PLXDC1: variants seen among roughly 807,000 people sequenced by gnomAD.
The protein encoded by PLXDC1 is plexin domain-containing protein 1.
In PLXDC1, 39 loss-of-function variants were observed where a neutral mutation model predicts 61.3. The observed-to-expected ratio is 0.64, with a 90% CI of 0.49 to 0.83. The LOEUF (loss-of-function observed/expected upper bound fraction) is 0.83. Ranked by LOEUF, PLXDC1 falls within the 40% of genes least tolerant of loss-of-function variation. The pLI is 0.00. For synonymous variants in PLXDC1, 212 were observed against 254.5 expected, an observed-to-expected ratio of 0.83 and a Z score of 1.59; for missense variants, 596 against 666.5, an observed-to-expected ratio of 0.89 and a Z score of 1.17.
chr17:39,122,424 T>C (rs1416554936), intron 2 of PLXDC1, among the ~76,000 whole-genome samples: 1 of 148,524 alleles, frequency 6.7e-6, no homozygotes, highest in African/African-American at 2.5e-5. Context: ...GCCCTCTCTC[T>C]GCCTGGCTGG....
Position 39,099,586 on chromosome 17 carries a change from TG to T in PLXDC1, c.811+6267del, listed in dbSNP as rs1317990718. On this transcript the variant is annotated intron_variant, in intron 7 of 13. Transcript: ENST00000315392. ...GGAGCTGAGGAGGAAAAGATTCCCC[TG>T]GGTGGAATGGGAGTGGGTCAGTCTA... Among the ~76,000 whole-genome samples, 5 of 152,186 alleles carry T rather than the reference TG, an allele frequency of 3.3e-5. No individual in the cohort carries two copies. In the South Asian group the frequency reaches 6.2e-4, roughly 19 times the overall value.
chr17:39,083,567 C>T (rs536689588), intron 8 of PLXDC1, 27 bp from the exon 9 acceptor site: 3 of 1,560,046 alleles, frequency 1.9e-6, no homozygotes, highest in South Asian at 2.3e-5. Flanking sequence ...AGTGGCCGCT[C>T]AGCACCGAGC....
chr17:39,140,316 C>CTTTTTCTTT (rs367716934), intron 1 of PLXDC1, among the ~76,000 whole-genome samples: 1 of 151,028 alleles, frequency 6.6e-6, no homozygotes. Context: ...TTTTCTTTTT[C>CTTTTTCTTT]TTTTTTTGAA....
Position 39,071,676 on chromosome 17 carries a change from C to T in PLXDC1, c.1222+774G>A, listed in dbSNP as rs371999046. Reference sequence around the variant, plus strand: ...CTGCTGATGAGCACATGGTGCACAGCGAGGGGATTATGGCCCAGCCACCCC... The same window carrying T: ...CTGCTGATGAGCACATGGTGCACAGTGAGGGGATTATGGCCCAGCCACCCC... On this transcript the variant is annotated intron_variant, in intron 12 of 13. Coordinates refer to ENST00000315392, the MANE Select transcript of PLXDC1 (RefSeq NM_020405.5). Among the ~76,000 whole-genome samples, 5 of 152,200 alleles carry T rather than the reference C, an allele frequency of 3.3e-5. No homozygotes were observed. In the East Asian group the frequency reaches 7.7e-4, roughly 24 times the overall value.
intron 7 of PLXDC1, among the ~76,000 whole-genome samples, chr17:39,093,792 C>T (rs1026880510): frequency 1.3e-5 from 2 of 151,984 alleles, no homozygotes; most frequent in African/African-American, 4.8e-5. Flanking sequence ...TCCTAAAGAA[C>T]CCTAAGTCTG....
At position 39,067,068 on chromosome 17, in the gene PLXDC1, G is replaced by A. The variant is rs1908923479; in HGVS notation, c.*772C>T. On this transcript the variant is annotated 3_prime_UTR_variant, in exon 14 of 14. Coordinates refer to ENST00000315392, the MANE Select transcript of PLXDC1 (RefSeq NM_020405.5). ...CTACAGAGCAGACCATTGACAGCCTGTAACTGAGTCCAAATTCATTCTGCT... is the reference window on the plus strand; with the variant it reads ...CTACAGAGCAGACCATTGACAGCCTATAACTGAGTCCAAATTCATTCTGCT... 1 of 152,226 alleles carries A rather than the reference G, an allele frequency of 6.6e-6. No homozygotes were observed. Among genetic ancestry groups the A allele is most frequent in the South Asian group, 2.1e-4 (1 of 4,836 alleles). The allele number at this position is 152,226 out of a possible 1,614,324, so 9.4% of individuals were successfully genotyped here.
chr17:39,132,516 G>A (rs956315054), intron 2 of PLXDC1, among the ~76,000 whole-genome samples: 2 of 151,422 alleles, frequency 1.3e-5, no homozygotes, highest in African/African-American at 2.4e-5. Context: ...TGCATTTTAG[G>A]GAGGAGATGG....
At chr17:39,131,018 G>A (rs967493700) in intron 2 of PLXDC1, among the ~76,000 whole-genome samples, 2 of 152,176 alleles carry the variant, frequency 1.3e-5, no homozygotes, top group South Asian at 2.1e-4. Context: ...CTGAGTAGCC[G>A]GGAGCAGTGT....
chr17:39,138,886 A>T (rs1433840123), intron 2 of PLXDC1, among the ~76,000 whole-genome samples: 1 of 152,034 alleles, frequency 6.6e-6, no homozygotes, highest in Non-Finnish European at 1.5e-5. Context: ...CCACAGGCAC[A>T]CTCACACTTA....
chr17:39,079,745 C>G (rs1427821799), intron 9 of PLXDC1: 2 of 352,978 alleles, frequency 5.7e-6, no homozygotes, highest in Non-Finnish European at 1.1e-5. Flanking sequence ...TGACGATGCA[C>G]CAGAGAATGT....
intron 7 of PLXDC1, among the ~76,000 whole-genome samples, chr17:39,091,838 A>G (rs1263278702): frequency 6.6e-6 from 1 of 151,862 alleles, no homozygotes; most frequent in African/African-American, 2.4e-5. Flanking sequence ...GAGCACCTGT[A>G]ATCCCAGCTA....
At chr17:39,152,766 A>T, upstream of PLXDC1, 146 of 705,194 alleles carry the variant, frequency 2.1e-4, no homozygotes, top group South Asian at 2.9e-4. Context: ...CGTGGCACTG[A>T]GGTTAAAAAA....
Position 39,138,441 on chromosome 17 carries a change from C to A in PLXDC1, c.255+1213G>T, listed in dbSNP as rs932615927. On this transcript the variant is annotated intron_variant, in intron 2 of 13. Transcript: ENST00000315392. ...TCGTCACAATCCACAACCGAGCACA[C>A]GGATTGAACAGGAAGATTGGGCGGC... Among the ~76,000 whole-genome samples the A allele has an allele frequency of 2.0e-5, 3 of 152,276 alleles. No individual in the cohort carries two copies. In the East Asian group the frequency reaches 5.8e-4, roughly 29 times the overall value.
At chr17:39,116,124 AC>A (rs1377468755) in intron 2 of PLXDC1, among the ~76,000 whole-genome samples, 1 of 152,178 alleles carries the variant, frequency 6.6e-6, no homozygotes, top group African/African-American at 2.4e-5. Flanking sequence ...TCTCAAAAAA[AC>A]AAAAAATAAA....
At chr17:39,075,471 A>G (rs1909290423) in intron 11 of PLXDC1, among the ~76,000 whole-genome samples, 3 of 152,186 alleles carry the variant, frequency 2.0e-5, no homozygotes, top group Non-Finnish European at 4.4e-5. Context: ...TTGAGGGGAA[A>G]GATCTCTGCT....
intron 2 of PLXDC1, among the ~76,000 whole-genome samples, chr17:39,120,758 ATTTTT>A (rs57148436): frequency 0.027 from 3,366 of 124,338 alleles, 140 homozygotes; most frequent in African/African-American, 0.095. Flanking sequence ...CACCCAGCTA[ATTTTT>A]TTTTTTTTTT....
intron 2 of PLXDC1, 115 bp downstream of exon 2, chr17:39,139,539 C>T (rs994207124): frequency 2.3e-5 from 24 of 1,022,204 alleles, no homozygotes; most frequent in South Asian, 2.0e-4. Flanking sequence ...CCCTGTCCTC[C>T]GGGGCCAACC....
At chr17:39,120,851 G>A (rs139527833) in intron 2 of PLXDC1, among the ~76,000 whole-genome samples, 3 of 150,806 alleles carry the variant, frequency 2.0e-5, no homozygotes, top group Non-Finnish European at 4.4e-5. Context: ...GCAACCTCCC[G>A]GGTTCAAGTG....
chr17:39,118,549 C>A (rs1335012981), intron 2 of PLXDC1, among the ~76,000 whole-genome samples: 1 of 152,106 alleles, frequency 6.6e-6, no homozygotes, highest in African/African-American at 2.4e-5. Flanking sequence ...TTGTATGGAG[C>A]CCTGCTAACT....
Sources: allele counts gnomAD v4.1 joint callset (sites outside exome capture counted in the v4.1 genomes callset), GRCh38; gene constraint gnomAD v4.1.1; transcripts MANE v1.5; gene names NCBI Gene and HGNC (gene_info 2026-07-23, HGNC 2026-07-21).